Variants in USP15 observed in about 807,000 individuals in gnomAD.
USP15 encodes ubiquitin specific peptidase 15.
A neutral mutation model predicts 127.1 loss-of-function variants in USP15; 18 were observed. The ratio of observed to expected loss-of-function variants is 0.14; its 90% CI spans 0.10 to 0.21. The LOEUF is 0.21. Ranked by LOEUF, USP15 falls within the 10% of genes least tolerant of loss-of-function variation. USP15 has a pLI of 1.00. For synonymous variants in USP15, 364 were observed against 393.7 expected, an observed-to-expected ratio of 0.92 and a Z score of 0.89; for missense variants, 805 against 1,159.9, an observed-to-expected ratio of 0.69 and a Z score of 4.44.
chr12:62,398,174 G>T (rs2067559059), intron 20 of USP15, among the ~76,000 whole-genome samples: 1 of 151,728 alleles, frequency 6.6e-6, no homozygotes, highest in Non-Finnish European at 1.5e-5. Flanking sequence ...TGTATTTTTA[G>T]TAGCAGTGGG....
At chr12:62,294,427 T>A (rs1272203416) in intron 2 of USP15, 121 bp downstream of exon 2, 3 of 1,092,332 alleles carry the variant, frequency 2.7e-6, no homozygotes, top group Non-Finnish European at 3.9e-6. Context: ...CATTACAGAT[T>A]TTACCTAATG....
At chr12:62,372,278 T>G (rs777407625) in intron 8 of USP15, among the ~76,000 whole-genome samples, 1 of 152,130 alleles carries the variant, frequency 6.6e-6, no homozygotes, top group Non-Finnish European at 1.5e-5. Context: ...CCATATACGG[T>G]CCTGCAAATG....
intron 7 of USP15, among the ~76,000 whole-genome samples, chr12:62,354,288 T>C (rs2066053939): frequency 6.6e-6 from 1 of 151,932 alleles, no homozygotes; most frequent in Admixed American, 6.6e-5. Flanking sequence ...TTTAAAAAAG[T>C]AATACCAGGA....
intron 8 of USP15, among the ~76,000 whole-genome samples, chr12:62,364,736 G>A (rs149641639): frequency 1.9e-3 from 280 of 151,180 alleles, no homozygotes; most frequent in Non-Finnish European, 2.8e-3. Flanking sequence ...AACAAGCCCT[G>A]GTGTGTGATG....
rs369876015 is a variant in USP15 at position 62,384,250 on chromosome 12, G to T, written c.1421G>T (p.Arg474Leu). 3 of 1,610,458 alleles carry T rather than the reference G, an allele frequency of 1.9e-6. No homozygotes were observed. The highest frequency in any genetic ancestry group is 1.1e-5 in the South Asian group (1 of 90,956). ...LTLPLPMKKE[R>L]TLEVYLVRMD... The stretch of plus-strand genomic sequence containing the variant: ...CTTCCATTGCCCATGAAAAAAGAAC[G>T]CACCTTGGAAGTTTACTTAGTTAGA... Residue 474 changes from arginine to leucine, a missense_variant, in exon 11 of 22, where the codon CGC (arginine) becomes CTC (leucine). Arg to Leu is a moderately radical substitution (Grantham distance 102). This residue lies in a region of USP15 where 84 missense variants were observed against 210.3 expected (regional missense o/e 0.40). Coordinates refer to ENST00000280377, the MANE Select transcript of USP15 (RefSeq NM_001252078.2).
rs1348387043 is a variant in USP15, at chr12:62,412,897, C to T, written c.*8522C>T. The T allele has an allele frequency of 6.6e-6, 1 of 152,204 alleles. No individual in the cohort carries two copies. The highest frequency in any genetic ancestry group is 1.5e-5 in the Non-Finnish European group (1 of 68,048). 9.4% of individuals were successfully genotyped at this position (152,204 alleles called of 1,614,324 possible). A position where few individuals can be genotyped will look rare whatever the true frequency, so the allele number is the denominator to read the frequency against. On this transcript the variant is annotated 3_prime_UTR_variant, in exon 22 of 22. Coordinates refer to ENST00000280377, the MANE Select transcript of USP15 (RefSeq NM_001252078.2). ...CACAAATATTCTGAATGAATGGCATCCAGAATAGCAAATCCTTTTCAGAAG... is the reference window on the plus strand; with the variant it reads ...CACAAATATTCTGAATGAATGGCATTCAGAATAGCAAATCCTTTTCAGAAG...
intron 1 of USP15, among the ~76,000 whole-genome samples, chr12:62,272,186 A>C (rs572324339): frequency 1.3e-5 from 2 of 151,962 alleles, no homozygotes; most frequent in East Asian, 3.9e-4. Context: ...TAAATAAGAG[A>C]ATTAGTCATA....
chr12:62,398,314 A>G (rs188622274), intron 20 of USP15, among the ~76,000 whole-genome samples: 1 of 152,230 alleles, frequency 6.6e-6, no homozygotes, highest in Admixed American at 6.5e-5. Context: ...ATTCTGTCTA[A>G]TTGATTTCTT....
chr12:62,282,589 G>T (rs915768568), intron 1 of USP15, among the ~76,000 whole-genome samples: 1 of 152,264 alleles, frequency 6.6e-6, no homozygotes, highest in African/African-American at 2.4e-5. Flanking sequence ...TAATTTATAG[G>T]TTTTAAATTA....
intron 14 of USP15, 69 bp from the exon 15 acceptor site, chr12:62,390,795 G>A (rs2067301500): frequency 1.7e-6 from 2 of 1,152,810 alleles, no homozygotes; most frequent in Non-Finnish European, 2.5e-6. Flanking sequence ...TTTACTGATA[G>A]AAGGAAAACT....
At chr12:62,393,262 C>T in intron 19 of USP15, 60 bp downstream of exon 19, 2 of 1,563,794 alleles carry the variant, frequency 1.3e-6, no homozygotes, top group Non-Finnish European at 1.7e-6. Context: ...TTATTTGATG[C>T]TTTTTGTTAT....
At chr12:62,365,090 G>A (rs2066435031) in intron 8 of USP15, among the ~76,000 whole-genome samples, 1 of 152,092 alleles carries the variant, frequency 6.6e-6, no homozygotes, top group African/African-American at 2.4e-5. Flanking sequence ...GGATTGCTGG[G>A]TCAAATGGTA....
At chr12:62,302,700 ATACT>A in intron 2 of USP15, 86 bp from the exon 3 acceptor site, 1 of 1,392,562 alleles carries the variant, frequency 7.2e-7, no homozygotes, top group East Asian at 2.3e-5. Context: ...CTTGTTTTAA[ATACT>A]TAAATTAGCC....
chr12:62,271,378 G>A (rs537006866), intron 1 of USP15, among the ~76,000 whole-genome samples: 1 of 151,790 alleles, frequency 6.6e-6, no homozygotes, highest in Non-Finnish European at 1.5e-5. Flanking sequence ...GCCCACAAGG[G>A]GCTATATTAA....
intron 20 of USP15, among the ~76,000 whole-genome samples, chr12:62,398,331 C>T (rs1308566734): frequency 6.6e-6 from 1 of 152,052 alleles, no homozygotes; most frequent in Non-Finnish European, 1.5e-5. Flanking sequence ...TCTTCCCTTC[C>T]CTTCATTGTA....
At chr12:62,391,559 G>T in intron 16 of USP15, 130 bp downstream of exon 16, 1 of 1,203,826 alleles carries the variant, frequency 8.3e-7, no homozygotes, top group South Asian at 1.6e-5. Context: ...AATTTTACAT[G>T]AAAGGACTTA....
intron 6 of USP15, among the ~76,000 whole-genome samples, chr12:62,343,431 G>A (rs112090614): frequency 7.2e-5 from 11 of 152,274 alleles, no homozygotes; most frequent in South Asian, 2.1e-4. Context: ...GTTCTGTCTC[G>A]CTGGCATTCC....
At chr12:62,326,109 T>C (rs2065113990) in intron 6 of USP15, among the ~76,000 whole-genome samples, 176 bp downstream of exon 6, 1 of 152,198 alleles carries the variant, frequency 6.6e-6, no homozygotes, top group African/African-American at 2.4e-5. Flanking sequence ...TTAATTAATA[T>C]GTTACTATTT....
At chr12:62,279,422 T>A (rs1445242509) in intron 1 of USP15, among the ~76,000 whole-genome samples, 1 of 152,220 alleles carries the variant, frequency 6.6e-6, no homozygotes, top group Non-Finnish European at 1.5e-5. Context: ...CTATTGTGAA[T>A]AATGCTGCAG....
Sources: gnomAD v4.1 joint callset for allele counts (sites outside exome capture counted in the v4.1 genomes callset) on GRCh38, gnomAD v4.1.1 for gene constraint, gnomAD v4.1.1 regional missense constraint, MANE v1.5 for transcripts, NCBI Gene and HGNC (gene_info 2026-07-23, HGNC 2026-07-21) for gene names.